Variants in MACF1 observed in about 807,000 individuals in gnomAD.
MACF1 encodes the protein microtubule actin crosslinking factor 1, also known as microtubule-actin cross-linking factor 1.
A neutral mutation model predicts 854.8 loss-of-function variants in MACF1; 193 were observed. That is an observed-to-expected ratio of 0.23 (90% CI 0.20 to 0.25). MACF1 has a LOEUF of 0.25. Among genes scored for constraint, MACF1 ranks in the 10% least tolerant of loss-of-function variants. MACF1 has a pLI of 1.00. For synonymous variants in MACF1, 3,185 were observed against 3,226.7 expected (o/e 0.99, Z 0.44); for missense variants, 7,722 against 8,929.1 (o/e 0.86, Z 5.45).
chr1:39,393,196 A>ATATATATATAT (rs1553345252), intron 58 of MACF1, among the ~76,000 whole-genome samples: 42 of 66,554 alleles, frequency 6.3e-4, no homozygotes, highest in African/African-American at 7.6e-4. Context: ...AAAAAAAAAA[A>ATATATATATAT]ATATATATAT....
intron 3 of MACF1, among the ~76,000 whole-genome samples, chr1:39,251,186 T>A (rs1442259009): frequency 1.3e-5 from 2 of 152,180 alleles, no homozygotes; most frequent in East Asian, 3.8e-4. Flanking sequence ...TTTTTTGCCT[T>A]GCAATAGAAT....
chr1:39,319,477 T>C (rs1048864886), intron 30 of MACF1, among the ~76,000 whole-genome samples, 187 bp from the exon 31 acceptor site: 24 of 152,222 alleles, frequency 1.6e-4, no homozygotes, highest in African/African-American at 5.5e-4. Context: ...AAGTGCAAAT[T>C]TGTGAACCCA....
In MACF1 at chr1:39,105,579, A is replaced by T; in HGVS notation, c.220+21141A>T. The T allele has an allele frequency of 8.4e-7, 1 of 1,183,902 alleles. No individual in the cohort carries two copies. Among genetic ancestry groups the T allele is most frequent in the Non-Finnish European group, 1.1e-6 (1 of 935,508 alleles). 73.3% of individuals were successfully genotyped at this position (1,183,902 alleles called of 1,614,324 possible). Reference sequence around the variant, plus strand: ...CCGCCGCCTCAGCGCGCGGGCCTGGAACCGGCAGCCCCCGGGGCTCGGCGA... The same window carrying T: ...CCGCCGCCTCAGCGCGCGGGCCTGGTACCGGCAGCCCCCGGGGCTCGGCGA... On this transcript the variant is annotated intron_variant, in intron 2 of 93. Coordinates refer to the MACF1 transcript ENST00000361689. The surrounding 1 kb of genome is among the most constrained non-coding windows in gnomAD (Gnocchi z 5.9).
Position 39,332,664 on chromosome 1 carries a change from A to C in MACF1, c.6076A>C (p.Lys2026Gln). ...GGGATTGCAAGAATCAGCTAATGTG[A>C]AAATCTCAGGAACTTTCAGCAGTGG... The part of the protein sequence containing the change: ...PEGLQESANV[K>Q]ISGTFSSGWT... The change falls in exon 37 of 101, where the codon AAA becomes CAA. Residue 2026 changes from lysine to glutamine, a missense_variant. Coordinates refer to ENST00000564288, the MANE Select transcript of MACF1 (RefSeq NM_001394062.1). The C allele has an allele frequency of 6.2e-7, 1 of 1,614,164 alleles. No individual in the cohort carries two copies. Among genetic ancestry groups the C allele is most frequent in the Non-Finnish European group, 8.5e-7 (1 of 1,180,008 alleles).
chr1:39,164,481 T>C (rs971945093), intron 2 of MACF1, among the ~76,000 whole-genome samples: 3 of 152,218 alleles, frequency 2.0e-5, no homozygotes, highest in African/African-American at 7.2e-5. Context: ...AGGGGCCAAG[T>C]GGCCTTCTCA....
At chr1:39,367,233 C>T (rs1648798771) in intron 49 of MACF1, among the ~76,000 whole-genome samples, 1 of 152,148 alleles carries the variant, frequency 6.6e-6, no homozygotes, top group African/African-American at 2.4e-5. Context: ...AGACGTGAGC[C>T]ACCGTGCCTG....
chr1:39,190,993 A>C (rs1373989403), intron 2 of MACF1, among the ~76,000 whole-genome samples: 6 of 152,144 alleles, frequency 3.9e-5, no homozygotes, highest in Non-Finnish European at 8.8e-5. Context: ...ACTGTGTCTC[A>C]AAAACAAACA....
At chr1:39,453,022 T>C (rs905016297) in intron 87 of MACF1, among the ~76,000 whole-genome samples, 4 of 152,214 alleles carry the variant, frequency 2.6e-5, no homozygotes, top group African/African-American at 7.2e-5. Flanking sequence ...TTCATTCTTA[T>C]AAAAGTAATA....
At position 39,213,229 on chromosome 1, in the gene MACF1, T is replaced by C. The variant is rs72924857; in HGVS notation, c.109+8098T>C. Among the ~76,000 whole-genome samples, 1,176 of 152,366 alleles carry C rather than the reference T, an allele frequency of 7.7e-3. 15 individuals are homozygous for C. The highest frequency in any genetic ancestry group is 0.027 in the African/African-American group (1,115 of 41,584). ...CACATTAACTGTGAACTAACAGTTATAGTAAATGTTCAGTTAATTTTAGCT... is the reference window on the plus strand; with the variant it reads ...CACATTAACTGTGAACTAACAGTTACAGTAAATGTTCAGTTAATTTTAGCT... On this transcript the variant is annotated intron_variant, in intron 1 of 100. Coordinates refer to ENST00000564288, the MANE Select transcript of MACF1 (RefSeq NM_001394062.1).
chr1:39,364,493 G>A (rs1233032255), intron 49 of MACF1, among the ~76,000 whole-genome samples: 7 of 150,738 alleles, frequency 4.6e-5, no homozygotes, highest in Non-Finnish European at 8.9e-5. Flanking sequence ...TGTAAACGTG[G>A]AATTTTTTTT....
intron 3 of MACF1, among the ~76,000 whole-genome samples, chr1:39,251,181 T>G (rs1337067380): frequency 6.6e-6 from 1 of 152,204 alleles, no homozygotes; most frequent in Admixed American, 6.5e-5. Context: ...TCTTTTTTTT[T>G]GCCTTGCAAT....
intron 58 of MACF1, among the ~76,000 whole-genome samples, chr1:39,419,186 T>A (rs1643437671): frequency 6.6e-6 from 1 of 152,208 alleles, no homozygotes; most frequent in South Asian, 2.1e-4. Context: ...TTATTCAAAA[T>A]AGATAATATT....
intron 56 of MACF1, among the ~76,000 whole-genome samples, 199 bp downstream of exon 56, chr1:39,382,351 G>A (rs1650299658): frequency 6.6e-6 from 1 of 152,076 alleles, no homozygotes. Context: ...ATTATTAATA[G>A]AGACAGTAAG....
intron 80 of MACF1, 40 bp downstream of exon 80, chr1:39,444,875 T>TG (rs1363114875): frequency 1.3e-6 from 2 of 1,501,100 alleles, no homozygotes; most frequent in Non-Finnish European, 1.8e-6. Flanking sequence ...ATTTGCTGAG[T>TG]GATTGCATGT....
rs200415167 is a variant in MACF1 at position 39,411,720 on chromosome 1, G to A, written c.15817-10654G>A. ...AAGAAGGAGTAACTCCTCTAGTTGA[G>A]CTACAGAATCAAATCTCTTCTGAAG... On this transcript the variant is annotated intron_variant, in intron 58 of 100. Transcript: ENST00000564288. The A allele has an allele frequency of 1.5e-3, 2,436 of 1,613,876 alleles. 2 individuals carry two copies. The highest frequency in any genetic ancestry group is 1.9e-3 in the Non-Finnish European group (2,267 of 1,179,880).
At chr1:39,101,800 G>T (rs1441556235) in intron 2 of MACF1, among the ~76,000 whole-genome samples, 1 of 150,568 alleles carries the variant, frequency 6.6e-6, no homozygotes, top group East Asian at 2.0e-4. Flanking sequence ...CTCCAGCCTG[G>T]GTGGTGACAG....
chr1:39,414,397 T>C, intron 58 of MACF1: 1 of 1,614,000 alleles, frequency 6.2e-7, no homozygotes, highest in Non-Finnish European at 8.5e-7. Context: ...TTCCCTAGTA[T>C]TTGGCATAAA....
chr1:39,482,928 A>T (rs1012008627), intron 99 of MACF1, among the ~76,000 whole-genome samples: 5 of 151,706 alleles, frequency 3.3e-5, no homozygotes, highest in African/African-American at 1.2e-4. Flanking sequence ...AGCCTGGGCA[A>T]CATGGAGAAA....
rs1208471062 is a variant in MACF1 at position 39,447,497 on chromosome 1, C to T, written c.19671C>T (p.Asn6557=). ...EFQNSLQEFI[N]WLTLAEQSLN... is the part of the protein sequence containing the mutation. ...AGAATTCCCTACAAGAATTTATCAA[C>T]TGGCTCACTCTAGCAGAGCAGAGTT... Residue 6557 remains asparagine (N), a synonymous_variant, in exon 81 of 101, where the codon AAC becomes AAT. Transcript: ENST00000564288. 1.2e-6 allele frequency: 2 copies of T among 1,613,988 alleles called. No individual in the cohort carries two copies. The highest frequency in any genetic ancestry group is 1.3e-5 in the African/African-American group (1 of 74,916).
Sources: gnomAD v4.1 joint callset for allele counts (sites outside exome capture counted in the v4.1 genomes callset) on GRCh38, gnomAD v4.1.1 for gene constraint, Gnocchi (gnomAD v3.1) non-coding constraint, MANE v1.5 for transcripts, NCBI Gene and HGNC (gene_info 2026-07-23, HGNC 2026-07-21) for gene names.